Variants in ATG14 observed in about 807,000 individuals in gnomAD.
The protein encoded by ATG14 is autophagy related 14, also known as beclin 1-associated autophagy-related key regulator.
In ATG14, 35 loss-of-function variants were observed where a neutral mutation model predicts 60.4. The ratio of observed to expected loss-of-function variants is 0.58; its 90% CI spans 0.44 to 0.77. The LOEUF (loss-of-function observed/expected upper bound fraction) is 0.77. Ranked by LOEUF, ATG14 falls within the 30% of genes least tolerant of loss-of-function variation. The pLI is 0.00. For synonymous variants in ATG14, 234 were observed against 228.8 expected, an observed-to-expected ratio of 1.02 and a Z score of -0.21; for missense variants, 647 against 626.3, an observed-to-expected ratio of 1.03 and a Z score of -0.35.
intron 9 of ATG14, among the ~76,000 whole-genome samples, chr14:55,376,194 C>T (rs1210181069): frequency 2.0e-5 from 3 of 152,188 alleles, no homozygotes; most frequent in Non-Finnish European, 2.9e-5. Flanking sequence ...CCATACTAAG[C>T]GTCAGTTTCT....
rs1240761114 is a variant in ATG14 at position 55,368,663 on chromosome 14, A to AAAAC, written c.*952_*955dup. ...GAAACAAGTAGGATGGTTTCCCCTG[A>AAAAC]AAACACCTGCCACCTACTCAATCCC... On this transcript the variant is annotated 3_prime_UTR_variant, in exon 10 of 10. Coordinates refer to ENST00000247178, the MANE Select transcript of ATG14 (RefSeq NM_014924.5). The AAAAC allele has an allele frequency of 1.2e-4, 18 of 152,238 alleles. No individual in the cohort carries two copies. Among genetic ancestry groups the AAAAC allele is most frequent in the African/African-American group, 4.3e-4 (18 of 41,452 alleles). The allele number at this position is 152,238 out of a possible 1,614,324, so 9.4% of individuals were successfully genotyped here.
chr14:55,394,118 T>A (rs1397218143), intron 3 of ATG14, among the ~76,000 whole-genome samples: 1 of 151,842 alleles, frequency 6.6e-6, no homozygotes, highest in Non-Finnish European at 1.5e-5. Context: ...GTGATTCTCC[T>A]GCCACAGCCT....
chr14:55,368,635 G>A lies in ATG14; in HGVS notation c.*984C>T, dbSNP rs957345651. Reference sequence around the variant, plus strand: ...GTGTCCTCAGAGCAACAAAGAGTTCGGGGAAACAAGTAGGATGGTTTCCCC... The same window carrying A: ...GTGTCCTCAGAGCAACAAAGAGTTCAGGGAAACAAGTAGGATGGTTTCCCC... On this transcript the variant is annotated 3_prime_UTR_variant, in exon 10 of 10. Coordinates refer to ENST00000247178, the MANE Select transcript of ATG14 (RefSeq NM_014924.5). 3.3e-5 allele frequency: 5 copies of A among 151,854 alleles called. No homozygotes were observed. Among genetic ancestry groups the A allele is most frequent in the African/African-American group, 1.2e-4 (5 of 41,150 alleles). The allele number at this position is 151,854 out of a possible 1,614,324, so 9.4% of individuals were successfully genotyped here.
chr14:55,382,341 G>A, intron 5 of ATG14, 150 bp from the exon 6 acceptor site: 2 of 651,466 alleles, frequency 3.1e-6, no homozygotes, highest in Non-Finnish European at 2.6e-6. Flanking sequence ...AGAGATGGGT[G>A]TCACTCTGTT....
chr14:55,381,121 C>G (rs1034561987), intron 6 of ATG14, among the ~76,000 whole-genome samples: 2 of 152,006 alleles, frequency 1.3e-5, no homozygotes, highest in African/African-American at 4.8e-5. Flanking sequence ...GGCACCCACT[C>G]AATGTACAGC....
chr14:55,377,554 C>CACTA (rs1448368076), intron 9 of ATG14, among the ~76,000 whole-genome samples: 2 of 152,072 alleles, frequency 1.3e-5, no homozygotes, highest in Non-Finnish European at 2.9e-5. Flanking sequence ...CACAAAAAGG[C>CACTA]ACTACTCCAG....
chr14:55,407,950 G>A (rs1257815764), intron 1 of ATG14, among the ~76,000 whole-genome samples: 1 of 152,158 alleles, frequency 6.6e-6, no homozygotes, highest in African/African-American at 2.4e-5. Flanking sequence ...CCCATTGGTG[G>A]AAGTTTCATG....
Position 55,381,833 on chromosome 14 carries a change from T to C in ATG14, c.877+129A>G, listed in dbSNP as rs536713516. ...ATGTTTTGAAATGACATGGAGGTGA[T>C]GGGAGCACAGTGCTGTGAATGTACT... is the stretch of plus-strand genomic sequence containing the variant. On this transcript the variant is annotated intron_variant, in intron 6 of 9. Coordinates refer to ENST00000247178, the MANE Select transcript of ATG14 (RefSeq NM_014924.5). The C allele has an allele frequency of 2.6e-5, 19 of 719,210 alleles. 1 individual carries two copies. In the Admixed American group the frequency reaches 3.5e-4, roughly 13 times the overall value. The allele number at this position is 719,210 out of a possible 1,614,324, so 44.6% of individuals were successfully genotyped here. A position where few individuals can be genotyped will look rare whatever the true frequency, so the allele number is the denominator to read the frequency against.
chr14:55,396,496 T>C (rs2140144769), intron 2 of ATG14, among the ~76,000 whole-genome samples: 1 of 152,354 alleles, frequency 6.6e-6, no homozygotes, highest in South Asian at 2.1e-4. Flanking sequence ...ATGAATGTGT[T>C]TATCAGACCA....
intron 3 of ATG14, chr14:55,395,082 C>T (rs1440085423): frequency 6.0e-6 from 3 of 503,860 alleles, no homozygotes; most frequent in Non-Finnish European, 1.2e-5. Context: ...CTTTTGTTTG[C>T]ACTTTTTTGT....
At chr14:55,387,104 G>C (rs1484445326) in intron 4 of ATG14, among the ~76,000 whole-genome samples, 1 of 151,836 alleles carries the variant, frequency 6.6e-6, no homozygotes, top group Non-Finnish European at 1.5e-5. Flanking sequence ...AACACGGCTC[G>C]ACTCCACGCC....
chr14:55,379,981 G>T (rs979394903), intron 7 of ATG14, among the ~76,000 whole-genome samples: 1 of 152,102 alleles, frequency 6.6e-6, no homozygotes, highest in African/African-American at 2.4e-5. Flanking sequence ...GGGCACAGTG[G>T]CTCACCTGTA....
intron 3 of ATG14, among the ~76,000 whole-genome samples, chr14:55,393,197 C>T (rs1033490890): frequency 2.8e-4 from 42 of 150,270 alleles, no homozygotes; most frequent in South Asian, 4.2e-4. Context: ...CTGGCTAACA[C>T]GGTGAAACCC....
At chr14:55,370,327 G>A (rs1884785345) in intron 9 of ATG14, among the ~76,000 whole-genome samples, 1 of 152,158 alleles carries the variant, frequency 6.6e-6, no homozygotes, top group Non-Finnish European at 1.5e-5. Context: ...GTATACTCTG[G>A]ATATTATTTA....
At chr14:55,380,883 T>C (rs1356425113) in intron 6 of ATG14, among the ~76,000 whole-genome samples, 193 bp from the exon 7 acceptor site, 1 of 123,644 alleles carries the variant, frequency 8.1e-6, no homozygotes, top group Non-Finnish European at 1.6e-5. Flanking sequence ...ATATTTTTTT[T>C]TTTTTTTTTG....
chr14:55,400,954 AAAAT>A (rs1885388780), intron 1 of ATG14, among the ~76,000 whole-genome samples: 1 of 140,880 alleles, frequency 7.1e-6, no homozygotes, highest in Admixed American at 7.1e-5. Context: ...AAAATAAAAT[AAAAT>A]AAACTGCTTA....
In ATG14 at chr14:55,397,359, A is replaced by T. The variant is rs1348892789; in HGVS notation, c.284+13T>A. On this transcript the variant is annotated intron_variant, in intron 2 of 9. Transcript: ENST00000247178. Reference sequence around the variant, plus strand: ...TCACCTCCACAAATTAAAAGACAAAACAAAACACTCACTCTTTCTGAAATT... The same window carrying T: ...TCACCTCCACAAATTAAAAGACAAATCAAAACACTCACTCTTTCTGAAATT... 3.7e-6 allele frequency: 6 copies of T among 1,610,770 alleles called. No individual in the cohort carries two copies. The highest frequency in any genetic ancestry group is 1.3e-5 in the African/African-American group (1 of 74,904).
Position 55,377,850 on chromosome 14 carries a change from G to T in ATG14, c.1141C>A (p.Leu381Met). The change falls in exon 9 of 10, where the codon CTG becomes ATG. Residue 381 changes from leucine to methionine, a missense_variant. Transcript: ENST00000247178. ...AGGTGTTCAGAGCTTGGACTGACCAGGTACATTAGATTCCTGAGGGTATGC... is the reference window on the plus strand; with the variant it reads ...AGGTGTTCAGAGCTTGGACTGACCATGTACATTAGATTCCTGAGGGTATGC... The part of the protein sequence containing the change: ...PLHTLRNLMY[L>M]VSPSSEHLGR... 1 of 1,601,226 alleles carries T rather than the reference G, an allele frequency of 6.2e-7. No individual in the cohort carries two copies. Among genetic ancestry groups the T allele is most frequent in the Non-Finnish European group, 8.5e-7 (1 of 1,176,370 alleles).
chr14:55,393,120 G>A (rs1043499791), intron 3 of ATG14, among the ~76,000 whole-genome samples: 3 of 152,140 alleles, frequency 2.0e-5, no homozygotes, highest in Non-Finnish European at 4.4e-5. Flanking sequence ...GGTGGCTCAC[G>A]CCTGTAATCC....
Sources: gnomAD v4.1 joint callset for allele counts (sites outside exome capture counted in the v4.1 genomes callset) on GRCh38, gnomAD v4.1.1 for gene constraint, MANE v1.5 for transcripts, NCBI Gene and HGNC (gene_info 2026-07-23, HGNC 2026-07-21) for gene names.